LINGO2: variants seen among roughly 807,000 people sequenced by gnomAD.
LINGO2 encodes the protein leucine-rich repeat and immunoglobulin-like domain-containing nogo receptor-interacting protein 2.
A neutral mutation model predicts 30.6 loss-of-function variants in LINGO2; 14 were observed. The observed-to-expected ratio is 0.46, with a 90% CI of 0.30 to 0.72. The LOEUF is 0.72. Among genes scored for constraint, LINGO2 ranks in the 30% least tolerant of loss-of-function variants. The probability of loss-of-function intolerance (pLI) is 0.07; values close to 1 mark genes in which losing one functional copy is unlikely to be tolerated. For synonymous variants in LINGO2, 317 were observed against 288.5 expected, an observed-to-expected ratio of 1.10 and a Z score of -1.00; for missense variants, 729 against 751.7, an observed-to-expected ratio of 0.97 and a Z score of 0.35.
intron 1 of LINGO2, among the ~76,000 whole-genome samples, chr9:28,594,467 T>C (rs980938812): frequency 1.3e-5 from 2 of 152,070 alleles, no homozygotes; most frequent in Admixed American, 1.3e-4. Flanking sequence ...AAATACACTT[T>C]ACAGTAAATC....
chr9:28,614,855 A>G (rs1213449437), intron 1 of LINGO2, among the ~76,000 whole-genome samples: 1 of 152,038 alleles, frequency 6.6e-6, no homozygotes, highest in Non-Finnish European at 1.5e-5. Context: ...TCAGGTGTCA[A>G]CCCTACATTC....
the LINGO2 span, among the ~76,000 whole-genome samples, chr9:28,798,265 G>A: frequency 1.3e-5 from 1 of 74,556 alleles, no homozygotes; most frequent in Non-Finnish European, 2.7e-5. Flanking sequence ...TCAAAATGAT[G>A]TAGTAGGATG....
chr9:28,443,642 G>T (rs1482006410), intron 2 of LINGO2, among the ~76,000 whole-genome samples: 1 of 152,196 alleles, frequency 6.6e-6, no homozygotes, highest in African/African-American at 2.4e-5. Flanking sequence ...AGCACTCTTG[G>T]GGCAGTGCTG....
At chr9:28,028,727 T>C (rs1587722203) in intron 4 of LINGO2, among the ~76,000 whole-genome samples, 1 of 152,198 alleles carries the variant, frequency 6.6e-6, no homozygotes, top group East Asian at 1.9e-4. Flanking sequence ...AATTGTTATA[T>C]TGTATTTGTG....
At chr9:28,262,516 T>C (rs965955953) in intron 4 of LINGO2, among the ~76,000 whole-genome samples, 6 of 151,890 alleles carry the variant, frequency 4.0e-5, no homozygotes, top group Non-Finnish European at 8.8e-5. Context: ...AGACAGGATA[T>C]AGAAAGGCAA....
intron 3 of LINGO2, among the ~76,000 whole-genome samples, chr9:28,372,632 G>T (rs1479167354): frequency 6.6e-6 from 1 of 151,490 alleles, no homozygotes; most frequent in East Asian, 1.9e-4. Context: ...ACTAATTATA[G>T]AGTATTTTAT....
At chr9:28,479,845 C>CTGTGTGTGTGTGTGTG (rs528584169) in intron 1 of LINGO2, among the ~76,000 whole-genome samples, 9 of 60,160 alleles carry the variant, frequency 1.5e-4, no homozygotes, top group Admixed American at 4.1e-4. Context: ...ACCATGTCAT[C>CTGTGTGTGTGTGTGTG]TGTGTGTGTG....
At chr9:28,868,654 T>C in the LINGO2 span, among the ~76,000 whole-genome samples, 2 of 152,108 alleles carry the variant, frequency 1.3e-5, no homozygotes, top group African/African-American at 4.8e-5. Flanking sequence ...AGAAAACAAA[T>C]AAGCATTTTA....
intron 4 of LINGO2, among the ~76,000 whole-genome samples, chr9:28,264,364 T>TATC (rs1439873963): frequency 6.6e-6 from 1 of 151,958 alleles, no homozygotes; most frequent in Admixed American, 6.6e-5. Context: ...AATACAAAGG[T>TATC]ATCTGTACAT....
At chr9:28,893,308 C>T in the LINGO2 span, among the ~76,000 whole-genome samples, 1 of 151,942 alleles carries the variant, frequency 6.6e-6, no homozygotes, top group East Asian at 1.9e-4. Flanking sequence ...TATACCATGT[C>T]AGGACATCTG....
chr9:28,027,426 CTT>C (rs748613981), intron 4 of LINGO2, among the ~76,000 whole-genome samples: 1 of 152,124 alleles, frequency 6.6e-6, no homozygotes, highest in African/African-American at 2.4e-5. Context: ...ATAACAATCT[CTT>C]GTGTGCCAGT....
chr9:28,093,643 A>C (rs924608009), intron 4 of LINGO2, among the ~76,000 whole-genome samples: 1 of 152,006 alleles, frequency 6.6e-6, no homozygotes, highest in Admixed American at 6.6e-5. Context: ...TTGTTCCTGG[A>C]AAATGGCTTT....
At chr9:28,297,441 A>G (rs1312365218) in intron 3 of LINGO2, among the ~76,000 whole-genome samples, 1 of 152,190 alleles carries the variant, frequency 6.6e-6, no homozygotes, top group Admixed American at 6.5e-5. Flanking sequence ...CTACAGGTAC[A>G]AAGCAAAAAG....
intron 3 of LINGO2, among the ~76,000 whole-genome samples, chr9:28,300,493 A>G (rs1824100087): frequency 1.3e-5 from 2 of 152,132 alleles, no homozygotes; most frequent in South Asian, 4.1e-4. Context: ...CAATTAAAAT[A>G]GGCCACATTC....
the LINGO2 span, among the ~76,000 whole-genome samples, chr9:29,107,854 C>A: frequency 2.5e-4 from 37 of 148,758 alleles, no homozygotes; most frequent in African/African-American, 8.6e-4. Flanking sequence ...TAACCTTTAT[C>A]TCTACTTTTC....
intron 4 of LINGO2, among the ~76,000 whole-genome samples, chr9:28,049,882 CAA>C (rs1211672583): frequency 1.3e-5 from 2 of 150,574 alleles, no homozygotes; most frequent in East Asian, 4.0e-4. Context: ...ATTTTTAAAT[CAA>C]GAGAGCAACA....
chr9:28,888,738 C>A, the LINGO2 span: 1 of 421,842 alleles, frequency 2.4e-6, no homozygotes, highest in Admixed American at 2.8e-5. Flanking sequence ...CCTTGCCTAA[C>A]TGAATTATTT....
intron 1 of LINGO2, among the ~76,000 whole-genome samples, chr9:28,652,226 G>T (rs930785746): frequency 6.6e-6 from 1 of 151,948 alleles, no homozygotes; most frequent in African/African-American, 2.4e-5. Context: ...ATTTATTTAA[G>T]ACATAGGGTT....
the LINGO2 span, among the ~76,000 whole-genome samples, chr9:29,115,901 C>A: frequency 2.0e-5 from 3 of 151,974 alleles, no homozygotes; most frequent in African/African-American, 7.2e-5. Flanking sequence ...ATACTCTCTG[C>A]AAATCCATTC....
Sources: allele counts gnomAD v4.1 joint callset (sites outside exome capture counted in the v4.1 genomes callset), GRCh38; gene constraint gnomAD v4.1.1; transcripts MANE v1.5; gene names NCBI Gene and HGNC (gene_info 2026-07-23, HGNC 2026-07-21).